Variants in PTPRK observed in about 807,000 individuals in gnomAD.
PTPRK encodes protein tyrosine phosphatase receptor type K, also known as receptor-type tyrosine-protein phosphatase kappa.
PTPRK carries 75 observed loss-of-function variants against 178.0 expected under a neutral mutation model. The observed-to-expected ratio is 0.42, with a 90% CI of 0.35 to 0.51. The LOEUF is 0.51. PTPRK is among the 20% of genes least tolerant of loss of function. The pLI, the probability that PTPRK is intolerant of heterozygous loss-of-function variation, is 0.02. For synonymous variants in PTPRK, 637 were observed against 620.6 expected, an observed-to-expected ratio of 1.03 and a Z score of -0.39; for missense variants, 1,441 against 1,797.8, an observed-to-expected ratio of 0.80 and a Z score of 3.59.
At chr6:128,029,367 C>T (rs571259445) in intron 13 of PTPRK, among the ~76,000 whole-genome samples, 2 of 151,990 alleles carry the variant, frequency 1.3e-5, no homozygotes, top group Non-Finnish European at 2.9e-5. Flanking sequence ...TTATAAACTA[C>T]CCAGTCTCTG....
chr6:128,046,646 C>G (rs1041773827), intron 13 of PTPRK, among the ~76,000 whole-genome samples: 1 of 152,152 alleles, frequency 6.6e-6, no homozygotes, highest in Non-Finnish European at 1.5e-5. Context: ...GAAATTAAGA[C>G]TAGGATTTCA....
At chr6:128,214,409 C>T (rs1318560365) in intron 6 of PTPRK, among the ~76,000 whole-genome samples, 1 of 152,048 alleles carries the variant, frequency 6.6e-6, no homozygotes, top group Non-Finnish European at 1.5e-5. Context: ...CTTCTCTTGA[C>T]ATTATTTCCT....
chr6:128,503,842 T>TTGTGTGTG (rs57723685), intron 1 of PTPRK, among the ~76,000 whole-genome samples: 2,377 of 139,916 alleles, frequency 0.017, 71 homozygotes, highest in African/African-American at 0.056. Context: ...CTGGTTATTA[T>TTGTGTGTG]TGTGTGTGTG....
In PTPRK at chr6:128,004,748, G is replaced by A. The variant is rs147127336; in HGVS notation, c.2494+336C>T. Among the ~76,000 whole-genome samples the A allele has an allele frequency of 8.4e-4, 127 of 151,892 alleles. 2 individuals are homozygous for A. Among genetic ancestry groups the A allele is most frequent in the African/African-American group, 3.0e-3 (126 of 41,494 alleles). On this transcript the variant is annotated intron_variant, in intron 15 of 29. Transcript: ENST00000368226. ...ACAAAGGAAGATGCAAATGGAAAAA[G>A]AATTATAAATTCTGACATGAACTAA...
chr6:128,390,481 G>A lies in PTPRK; in HGVS notation c.223+7085C>T, dbSNP rs115424765. ...AGTCATTTAAAGCTTTCAAATTGTG[G>A]AAAGAAGTATTTTAAATGAAGTAGT... On this transcript the variant is annotated intron_variant, in intron 2 of 29. Coordinates refer to ENST00000368226, the MANE Select transcript of PTPRK (RefSeq NM_002844.4). Among the ~76,000 whole-genome samples, 986 of 152,214 alleles carry A rather than the reference G, an allele frequency of 6.5e-3. 11 individuals carry two copies. Among genetic ancestry groups the A allele is most frequent in the African/African-American group, 0.022 (924 of 41,540 alleles).
intron 2 of PTPRK, among the ~76,000 whole-genome samples, chr6:128,387,480 A>AGGAATC: frequency 6.6e-6 from 1 of 152,340 alleles, no homozygotes; most frequent in Non-Finnish European, 1.5e-5. Flanking sequence ...TATAAAATTT[A>AGGAATC]GGAATCTTAT....
At chr6:128,476,373 T>C (rs1481327642) in intron 1 of PTPRK, among the ~76,000 whole-genome samples, 1 of 152,112 alleles carries the variant, frequency 6.6e-6, no homozygotes, top group African/African-American at 2.4e-5. Context: ...CTTGAATATA[T>C]ACTTTTATTT....
At chr6:128,380,553 C>CACACGT (rs1554246047) in intron 2 of PTPRK, among the ~76,000 whole-genome samples, 1 of 146,288 alleles carries the variant, frequency 6.8e-6, no homozygotes, top group Non-Finnish European at 1.5e-5. Flanking sequence ...CACACACACA[C>CACACGT]GTGTGTGTGT....
intron 3 of PTPRK, among the ~76,000 whole-genome samples, chr6:128,285,246 G>A (rs1371478365): frequency 1.3e-5 from 2 of 152,222 alleles, no homozygotes; most frequent in Non-Finnish European, 2.9e-5. Context: ...CAGGCGTGGT[G>A]GCTTGCGCCT....
At chr6:128,025,932 G>T (rs190060490) in intron 13 of PTPRK, among the ~76,000 whole-genome samples, 1 of 152,134 alleles carries the variant, frequency 6.6e-6, no homozygotes, top group Non-Finnish European at 1.5e-5. Context: ...TGCAAAGACC[G>T]CTTTTCCCTA....
rs1170561371 is a variant in PTPRK at position 128,520,568 on chromosome 6, C to A, written c.-210G>T. 1 of 561,646 alleles carries A rather than the reference C, an allele frequency of 1.8e-6. No individual in the cohort carries two copies. The highest frequency in any genetic ancestry group is 1.9e-5 in the African/African-American group (1 of 52,746). The allele number at this position is 561,646 out of a possible 1,614,324, so 34.8% of individuals were successfully genotyped here. ...TCGCCGGCCGGCCGCGGCGGCAGCT[C>A]TCCATGCTCGGCGGAGGCTGCTCCT... On this transcript the variant is annotated 5_prime_UTR_variant, in exon 1 of 30. Transcript: ENST00000368226.
chr6:128,175,141 G>T (rs1248717659), intron 7 of PTPRK, among the ~76,000 whole-genome samples: 1 of 151,870 alleles, frequency 6.6e-6, no homozygotes, highest in Non-Finnish European at 1.5e-5. Context: ...GCTTAAAAAT[G>T]CAATACAAAT....
intron 1 of PTPRK, among the ~76,000 whole-genome samples, chr6:128,509,904 T>C (rs17461370): frequency 0.15 from 23,284 of 152,054 alleles, 1,962 homozygotes; most frequent in Non-Finnish European, 0.18. Context: ...CATTTAAGTG[T>C]TGGTTTAGAT....
At position 128,374,227 on chromosome 6, in the gene PTPRK, T is replaced by C. The variant is rs75209344; in HGVS notation, c.223+23339A>G. Among the ~76,000 whole-genome samples the C allele has an allele frequency of 2.5e-4, 38 of 152,274 alleles. No homozygotes were observed. In the Middle Eastern group the frequency reaches 0.01, roughly 41 times the overall value. On this transcript the variant is annotated intron_variant, in intron 2 of 29. Transcript: ENST00000368226. ...TCCTTTGTACATTTCTCTAAATCTT[T>C]GAACTCTAAACACTGGAGTAATGCA...
chr6:128,022,713 C>T (rs1468051848), intron 13 of PTPRK, among the ~76,000 whole-genome samples: 2 of 152,190 alleles, frequency 1.3e-5, no homozygotes, highest in Non-Finnish European at 2.9e-5. Context: ...ACCTAACCCA[C>T]CTGGATGATC....
Position 127,996,997 on chromosome 6 carries a change from AC to A in PTPRK, c.2680-10del, listed in dbSNP as rs1315958637. 6.2e-7 allele frequency: 1 copy of A among 1,609,536 alleles called. No homozygotes were observed. The highest frequency in any genetic ancestry group is 1.7e-5 in the Admixed American group (1 of 59,700). ...TGTCCTTCAAAAAAGCTCTGGGAAA[AC>A]AAAACGAATAAGCAGACTGAATTTA... On this transcript the variant is annotated splice_polypyrimidine_tract_variant and intron_variant, in intron 16 of 29. Transcript: ENST00000368226.
intron 12 of PTPRK, 140 bp from the exon 13 acceptor site, chr6:128,064,934 T>G (rs1262154678): frequency 2.0e-6 from 2 of 1,003,820 alleles, no homozygotes. Flanking sequence ...TAAGAAAACT[T>G]TAAAAAATAT....
At chr6:128,075,424 T>G (rs1485942962) in intron 11 of PTPRK, among the ~76,000 whole-genome samples, 2 of 152,158 alleles carry the variant, frequency 1.3e-5, no homozygotes, top group African/African-American at 4.8e-5. Context: ...CCACAGACCC[T>G]TCACTCTCCA....
intron 1 of PTPRK, among the ~76,000 whole-genome samples, chr6:128,512,968 T>TA (rs552188700): frequency 4.3e-4 from 65 of 152,334 alleles, no homozygotes; most frequent in Non-Finnish European, 6.9e-4. Context: ...AACATTATGC[T>TA]AAAAATGATT....
Sources: allele counts gnomAD v4.1 joint callset (sites outside exome capture counted in the v4.1 genomes callset), GRCh38; gene constraint gnomAD v4.1.1; transcripts MANE v1.5; gene names NCBI Gene and HGNC (gene_info 2026-07-23, HGNC 2026-07-21).